Variants in RPS6KA2 observed in about 807,000 individuals in gnomAD.
The protein encoded by RPS6KA2 is ribosomal protein S6 kinase A2.
A neutral mutation model predicts 91.8 loss-of-function variants in RPS6KA2; 42 were observed. The ratio of observed to expected loss-of-function variants is 0.46; its 90% CI spans 0.36 to 0.59. RPS6KA2 has a LOEUF of 0.59. Among genes scored for constraint, RPS6KA2 ranks in the 20% least tolerant of loss-of-function variants. RPS6KA2 has a pLI of 0.00. For synonymous variants in RPS6KA2, 414 were observed against 393.6 expected (o/e 1.05, Z -0.61); for missense variants, 798 against 978.5 (o/e 0.82, Z 2.46).
In RPS6KA2 at chr6:166,666,964, G is replaced by A. The variant is rs1490232739; in HGVS notation, c.124-128180C>T. On this transcript the variant is annotated intron_variant, in intron 2 of 21. Transcript: ENST00000503859. The surrounding 1 kb of genome is among the most constrained non-coding windows in gnomAD (Gnocchi z 4.0). ...ACGTTGCAATGTGGATGAACCTGGA[G>A]GACATTATGTGAAGTGAAATAAGCT... Among the ~76,000 whole-genome samples the A allele has an allele frequency of 3.3e-5, 5 of 152,154 alleles. No individual in the cohort carries two copies. Among genetic ancestry groups the A allele is most frequent in the Non-Finnish European group, 7.3e-5 (5 of 68,028 alleles).
chr6:166,465,872 G>A (rs1780502448), intron 11 of RPS6KA2, among the ~76,000 whole-genome samples: 1 of 152,234 alleles, frequency 6.6e-6, no homozygotes, highest in African/African-American at 2.4e-5. Flanking sequence ...TGAGCACCAA[G>A]CGTTATTTAT....
In RPS6KA2 at chr6:166,751,534, C is replaced by T. The variant is rs566587153; in HGVS notation, c.123+106666G>A. 2.3e-3 allele frequency among the ~76,000 whole-genome samples: 356 copies of T among 152,336 alleles called. 1 individual carries two copies. The highest frequency in any genetic ancestry group is 8.2e-3 in the African/African-American group (343 of 41,580). ...CCAGCCCAAGGCAGATAACAGATGG[C>T]GACAGGGGCTTGAGGCTTGGCTTCT... On this transcript the variant is annotated intron_variant, in intron 2 of 21. Coordinates refer to the RPS6KA2 transcript ENST00000503859.
intron 3 of RPS6KA2, among the ~76,000 whole-genome samples, chr6:166,523,680 G>A (rs1349757043): frequency 6.6e-6 from 1 of 152,096 alleles, no homozygotes. Context: ...ATCCAAATGG[G>A]AATCAAATGA....
Position 166,409,999 on chromosome 6 carries a change from A to G in RPS6KA2, c.*2763T>C, listed in dbSNP as rs188214296. ...TGCCCATGTTTGACTTTGGGATGGA[A>G]TTCAGCAAAGCTCTCCCACTGCAGA... On this transcript the variant is annotated 3_prime_UTR_variant, in exon 21 of 21. Coordinates refer to ENST00000265678, the MANE Select transcript of RPS6KA2 (RefSeq NM_021135.6). The G allele has an allele frequency of 2.0e-5, 3 of 152,334 alleles. No homozygotes were observed. Among genetic ancestry groups the G allele is most frequent in the African/African-American group, 7.2e-5 (3 of 41,574 alleles). The allele number at this position is 152,334 out of a possible 1,614,324, so 9.4% of individuals were successfully genotyped here. A position where few individuals can be genotyped will look rare whatever the true frequency, so the allele number is the denominator to read the frequency against.
intron 1 of RPS6KA2, among the ~76,000 whole-genome samples, chr6:166,576,864 G>A (rs1350412138): frequency 6.6e-6 from 1 of 152,174 alleles, no homozygotes; most frequent in Non-Finnish European, 1.5e-5. Flanking sequence ...GCATGTCAGA[G>A]GTCTTCATGG....
rs1273560051 is a variant in RPS6KA2, at chr6:166,635,494, A to G, written c.124-96710T>C. ...TATGATGAGCAAGCGCCAGCCAGAT[A>G]CACAGGGACAGACAAGGGTGTTCCG... On this transcript the variant is annotated intron_variant, in intron 2 of 21. Coordinates refer to the RPS6KA2 transcript ENST00000503859. The surrounding 1 kb of genome is among the most constrained non-coding windows in gnomAD (Gnocchi z 4.8). Among the ~76,000 whole-genome samples, 1 of 152,262 alleles carries G rather than the reference A, an allele frequency of 6.6e-6. No homozygotes were observed. The highest frequency in any genetic ancestry group is 1.5e-5 in the Non-Finnish European group (1 of 68,038).
At chr6:166,545,404 T>A (rs892898940) in intron 1 of RPS6KA2, among the ~76,000 whole-genome samples, 13 of 152,174 alleles carry the variant, frequency 8.5e-5, no homozygotes, top group Non-Finnish European at 5.9e-5. Flanking sequence ...CTGCTCGGGC[T>A]CCTTTCCTCT....
At chr6:166,625,323 A>T (rs371460585) in intron 1 of RPS6KA2, among the ~76,000 whole-genome samples, 18 of 30,392 alleles carry the variant, frequency 5.9e-4, no homozygotes, top group African/African-American at 8.8e-4. Context: ...TATTCCCACC[A>T]CCCCCCCACC....
chr6:166,601,974 C>CT (rs1562334641), intron 1 of RPS6KA2, among the ~76,000 whole-genome samples: 1 of 152,140 alleles, frequency 6.6e-6, no homozygotes, highest in East Asian at 1.9e-4. Context: ...ATGCATGTAA[C>CT]TGATGAAGAG....
intron 1 of RPS6KA2, among the ~76,000 whole-genome samples, chr6:166,551,525 A>T (rs1784022817): frequency 6.6e-6 from 1 of 152,242 alleles, no homozygotes; most frequent in African/African-American, 2.4e-5. Flanking sequence ...CAATGATGTC[A>T]GAGGTAACGT....
At chr6:166,752,565 G>A (rs1266581519) in intron 2 of RPS6KA2, among the ~76,000 whole-genome samples, 2 of 152,184 alleles carry the variant, frequency 1.3e-5, no homozygotes, top group Non-Finnish European at 2.9e-5. Context: ...ATTCAGAGAT[G>A]ATAGACCCAT....
At chr6:166,580,654 G>A (rs1187252624) in intron 1 of RPS6KA2, among the ~76,000 whole-genome samples, 1 of 152,044 alleles carries the variant, frequency 6.6e-6, no homozygotes, top group African/African-American at 2.4e-5. Context: ...CTGATTTTCA[G>A]TCTACCCCAC....
At chr6:166,750,383 C>T (rs981538762) in intron 2 of RPS6KA2, among the ~76,000 whole-genome samples, 4 of 151,978 alleles carry the variant, frequency 2.6e-5, no homozygotes, top group Admixed American at 2.0e-4. Context: ...AGTGCACGCA[C>T]ATCTGTGACA....
At chr6:166,731,148 A>C (rs1252679859) in intron 2 of RPS6KA2, among the ~76,000 whole-genome samples, 1 of 152,148 alleles carries the variant, frequency 6.6e-6, no homozygotes, top group East Asian at 1.9e-4. Context: ...AGGTTGGGGC[A>C]GGACAATTGC....
At chr6:166,749,790 T>C (rs972363949) in intron 2 of RPS6KA2, among the ~76,000 whole-genome samples, 1 of 137,908 alleles carries the variant, frequency 7.3e-6, no homozygotes, top group African/African-American at 2.8e-5. Context: ...CAGGTCCCCA[T>C]CTCCATCCTC....
Position 166,508,747 on chromosome 6 carries a change from C to G in RPS6KA2, c.380-465G>C, listed in dbSNP as rs990191956. Among the ~76,000 whole-genome samples the G allele has an allele frequency of 6.6e-6, 1 of 152,320 alleles. No homozygotes were observed. Among genetic ancestry groups the G allele is most frequent in the African/African-American group, 2.4e-5 (1 of 41,570 alleles). ...CTGGTACCAGGGAGCCCCCCGCTTGCCTTCCTCTCTTGAGGCAGTTCTGGT... is the reference window on the plus strand; with the variant it reads ...CTGGTACCAGGGAGCCCCCCGCTTGGCTTCCTCTCTTGAGGCAGTTCTGGT... On this transcript the variant is annotated intron_variant, in intron 4 of 20. Transcript: ENST00000265678. The surrounding 1 kb of genome is among the most constrained non-coding windows in gnomAD (Gnocchi z 4.3).
rs973670272 is a variant in RPS6KA2, at chr6:166,418,514, C to T, written c.1821-172G>A. ...CGGAACTTACCTCTAACACTATGCC[C>T]GTTTTCCTTCCTTAGCAATTGGGTG... On this transcript the variant is annotated intron_variant, in intron 18 of 20. Coordinates refer to ENST00000265678, the MANE Select transcript of RPS6KA2 (RefSeq NM_021135.6). The surrounding 1 kb of genome is among the most constrained non-coding windows in gnomAD (Gnocchi z 4.9). 4.6e-5 allele frequency among the ~76,000 whole-genome samples: 7 copies of T among 152,216 alleles called. No individual in the cohort carries two copies. Among genetic ancestry groups the T allele is most frequent in the East Asian group, 3.9e-4 (2 of 5,192 alleles).
chr6:166,616,245 G>T (rs2128536931), intron 1 of RPS6KA2, among the ~76,000 whole-genome samples: 1 of 152,288 alleles, frequency 6.6e-6, no homozygotes, highest in Non-Finnish European at 1.5e-5. Context: ...GCCTCAAGAA[G>T]TTCCCATTGG....
chr6:166,762,916 T>C (rs1482235195), intron 2 of RPS6KA2, among the ~76,000 whole-genome samples: 2 of 152,256 alleles, frequency 1.3e-5, no homozygotes, highest in Non-Finnish European at 2.9e-5. Context: ...CACATGCTTC[T>C]GTGATAACAG....
Sources: gnomAD v4.1 joint callset for allele counts (sites outside exome capture counted in the v4.1 genomes callset) on GRCh38, gnomAD v4.1.1 for gene constraint, Gnocchi (gnomAD v3.1) non-coding constraint, MANE v1.5 for transcripts, NCBI Gene and HGNC (gene_info 2026-07-23, HGNC 2026-07-21) for gene names.